Variants in CEP350 observed in about 807,000 individuals in gnomAD.
CEP350 encodes centrosomal protein 350, also known as centrosome-associated protein 350.
Under a neutral mutation model 331.8 loss-of-function variants are expected in CEP350, and 126 were observed. The ratio of observed to expected loss-of-function variants is 0.38; its 90% CI spans 0.33 to 0.44. The LOEUF (loss-of-function observed/expected upper bound fraction) is 0.44. CEP350 is among the 20% of genes least tolerant of loss of function. The probability of loss-of-function intolerance (pLI) is 1.00; values close to 1 mark genes in which losing one functional copy is unlikely to be tolerated. For synonymous variants in CEP350, 1,200 were observed against 1,259.5 expected, an observed-to-expected ratio of 0.95 and a Z score of 1.00; for missense variants, 3,406 against 3,634.6, an observed-to-expected ratio of 0.94 and a Z score of 1.62.
chr1:179,980,046 A>T (rs1035792658), intron 1 of CEP350, among the ~76,000 whole-genome samples: 7 of 151,876 alleles, frequency 4.6e-5, no homozygotes, highest in Admixed American at 1.3e-4. Flanking sequence ...GGATTTCAGG[A>T]TTGTTTTTTC....
chr1:180,087,694 C>T lies in CEP350; in HGVS notation c.6402C>T (p.Ile2134=), dbSNP rs1408952059. ...CCTCAGCTTCTGAAAAACCCAAGAT[C>T]AAACCCCTCACACCACTACACAGGT... ...TLSSASEKPK[I]KPLTPLHRSE... Residue 2134 remains isoleucine, a synonymous_variant, in exon 32 of 38, where the codon ATC becomes ATT. Transcript: ENST00000367607. The T allele has an allele frequency of 6.3e-7, 1 of 1,584,714 alleles. No individual in the cohort carries two copies. The highest frequency in any genetic ancestry group is 8.6e-7 in the Non-Finnish European group (1 of 1,163,854).
rs929307974 is a variant in CEP350 at position 180,020,831 on chromosome 1, T to A, written c.3057T>A (p.Pro1019=). 2.5e-6 allele frequency: 4 copies of A among 1,612,984 alleles called. No individual in the cohort carries two copies. Among genetic ancestry groups the A allele is most frequent in the African/African-American group, 2.7e-5 (2 of 74,850 alleles). The change falls in exon 12 of 38, where the codon CCT becomes CCA. Residue 1019 remains proline, a synonymous_variant. Transcript: ENST00000367607. ...AEILKEKEFC[P]GERNSYEPIK... is the part of the protein sequence containing the mutation. The stretch of plus-strand genomic sequence containing the variant: ...TTTTAAAAGAAAAGGAATTTTGTCC[T>A]GGAGAAAGAAATAGTTATGAACCCA...
chr1:180,021,362 AC>A (rs1655309152), intron 12 of CEP350, among the ~76,000 whole-genome samples: 1 of 152,142 alleles, frequency 6.6e-6, no homozygotes, highest in Admixed American at 6.5e-5. Context: ...TTCAGTAGAA[AC>A]TAAGTATAAA....
intron 1 of CEP350, among the ~76,000 whole-genome samples, chr1:179,965,543 T>C (rs1650938770): frequency 1.3e-5 from 2 of 152,062 alleles, no homozygotes; most frequent in African/African-American, 4.8e-5. Flanking sequence ...TACAGAAGGA[T>C]TTCAGAATAG....
At chr1:180,068,386 CATT>C (rs1159713373) in intron 27 of CEP350, among the ~76,000 whole-genome samples, 3 of 152,030 alleles carry the variant, frequency 2.0e-5, no homozygotes, top group Middle Eastern at 3.4e-3. Flanking sequence ...ATGTGAAAGA[CATT>C]AATAATAATG....
chr1:180,092,567 G>T, intron 33 of CEP350, 47 bp from the exon 34 acceptor site: 4 of 1,371,174 alleles, frequency 2.9e-6, no homozygotes, highest in Non-Finnish European at 3.9e-6. Flanking sequence ...AAAATTGAAA[G>T]ATAGTGATTA....
At position 180,024,468 on chromosome 1, in the gene CEP350, G is replaced by T; in HGVS notation, c.3436G>T (p.Asp1146Tyr). The change falls in exon 14 of 38, where the codon GAT (aspartate) becomes TAT (tyrosine). Residue 1146 changes from aspartate to tyrosine, a missense_variant. Around this residue, in one of 5 missense-constraint regions of CEP350, gnomAD observed 1,857 missense variants for 1,909.2 expected, o/e 0.97. Coordinates refer to ENST00000367607, the MANE Select transcript of CEP350 (RefSeq NM_014810.5). ...CCATTCTAACAGAAAGTCTGCCTAT[G>T]ATCCTTCCTCTGTGGATGTTACCTC... ...EDHSNRKSAY[D>Y]PSSVDVTSQH... 6.2e-7 allele frequency: 1 copy of T among 1,613,150 alleles called. No individual in the cohort carries two copies. The highest frequency in any genetic ancestry group is 8.5e-7 in the Non-Finnish European group (1 of 1,179,556).
intron 37 of CEP350, among the ~76,000 whole-genome samples, chr1:180,102,134 ATTTT>A (rs750296355): frequency 2.2e-5 from 3 of 133,926 alleles, no homozygotes; most frequent in African/African-American, 2.8e-5. Context: ...CACCCTTGAC[ATTTT>A]TTTTTTTTTT....
intron 30 of CEP350, among the ~76,000 whole-genome samples, chr1:180,082,958 A>C (rs1220399333): frequency 1.3e-5 from 2 of 152,184 alleles, no homozygotes; most frequent in African/African-American, 4.8e-5. Flanking sequence ...CTTTCCTAGT[A>C]TGTCTTAACT....
chr1:180,009,489 TAG>T (rs375182743), intron 8 of CEP350, among the ~76,000 whole-genome samples: 1 of 152,180 alleles, frequency 6.6e-6, no homozygotes, highest in Non-Finnish European at 1.5e-5. Context: ...GTGAGCTAGA[TAG>T]AGAGTCATTA....
intron 1 of CEP350, among the ~76,000 whole-genome samples, chr1:179,967,349 A>C (rs967921742): frequency 6.6e-6 from 1 of 152,120 alleles, no homozygotes; most frequent in East Asian, 1.9e-4. Flanking sequence ...CCTCCTTTTT[A>C]AAAACTATAT....
chr1:180,021,079 A>T, intron 12 of CEP350, 70 bp downstream of exon 12: 3 of 1,347,446 alleles, frequency 2.2e-6, no homozygotes, highest in South Asian at 3.5e-5. Context: ...TCTGTATGAG[A>T]TATGTACTTT....
At chr1:179,998,802 G>T (rs1653663455) in intron 6 of CEP350, among the ~76,000 whole-genome samples, 1 of 151,850 alleles carries the variant, frequency 6.6e-6, no homozygotes, top group Non-Finnish European at 1.5e-5. Context: ...TTAGTTTTTT[G>T]TATTGTTTAC....
rs373633806 is a variant in CEP350 at position 180,014,483 on chromosome 1, A to G, written c.2030A>G (p.Gln677Arg). Residue 677 changes from glutamine to arginine, a missense_variant, in exon 10 of 38, where the codon CAA becomes CGA. Around this residue, in one of 5 missense-constraint regions of CEP350, gnomAD observed 1,857 missense variants for 1,909.2 expected, o/e 0.97. Transcript: ENST00000367607. ...ACCTTGCTTGAAGAGCCATCTCATC[A>G]ACATGTTACGCAGGAAACACAGGTA... Reference protein sequence around the residue: ...EKTLLEEPSHQHVTQETQAKP... With the variant: ...EKTLLEEPSHRHVTQETQAKP... 2.9e-5 allele frequency: 46 copies of G among 1,606,360 alleles called. No individual in the cohort carries two copies. The highest frequency in any genetic ancestry group is 5.1e-5 in the Admixed American group (3 of 58,324).
intron 35 of CEP350, 53 bp downstream of exon 35, chr1:180,095,983 G>A: frequency 3.2e-6 from 5 of 1,560,084 alleles, no homozygotes; most frequent in Non-Finnish European, 4.3e-6. Context: ...CCCATTGTCT[G>A]AAATTTGGAT....
chr1:179,973,299 T>A (rs1651596627), intron 1 of CEP350, among the ~76,000 whole-genome samples: 1 of 152,302 alleles, frequency 6.6e-6, no homozygotes, highest in African/African-American at 2.4e-5. Context: ...ACACTAACAT[T>A]TTTTGTGAGG....
intron 30 of CEP350, 82 bp from the exon 31 acceptor site, chr1:180,083,936 T>C (rs950015932): frequency 1.5e-6 from 1 of 648,032 alleles, no homozygotes. Flanking sequence ...GAATATTACA[T>C]TACAGCTTTT....
At position 180,034,075 on chromosome 1, in the gene CEP350, A is replaced by G. The variant is rs761917998; in HGVS notation, c.3939A>G (p.Pro1313=). The G allele has an allele frequency of 1.9e-6, 3 of 1,613,340 alleles. No individual in the cohort carries two copies. Among genetic ancestry groups the G allele is most frequent in the Admixed American group, 1.7e-5 (1 of 59,832 alleles). Residue 1313 remains proline, a synonymous_variant, in exon 16 of 38, where the codon CCA becomes CCG. Coordinates refer to ENST00000367607, the MANE Select transcript of CEP350 (RefSeq NM_014810.5). ...GAACAACGACAGAGAACATGGCTCC[A>G]ATACCAGGTAAGTAGATTCATGCAA... is the stretch of plus-strand genomic sequence containing the variant. The part of the protein sequence containing the change: ...ASRTTTENMA[P]IPGSKRFSPA...
chr1:180,062,145 G>C, intron 25 of CEP350, 75 bp from the exon 26 acceptor site: 1 of 1,293,442 alleles, frequency 7.7e-7, no homozygotes, highest in South Asian at 2.3e-5. Context: ...TATATGTGCT[G>C]ATTTTTTTTT....
Sources: gnomAD v4.1 joint callset for allele counts (sites outside exome capture counted in the v4.1 genomes callset) on GRCh38, gnomAD v4.1.1 for gene constraint, gnomAD v4.1.1 regional missense constraint, MANE v1.5 for transcripts, NCBI Gene and HGNC (gene_info 2026-07-23, HGNC 2026-07-21) for gene names.